Variants in B3GALT1 observed in about 807,000 individuals in gnomAD.
B3GALT1 encodes the protein UDP-Gal:betaGlcNAc beta 1,3-galactosyltransferase, polypeptide 1.
A neutral mutation model predicts 23.2 loss-of-function variants in B3GALT1; 10 were observed. That is an observed-to-expected ratio of 0.43 (90% CI 0.27 to 0.73). The LOEUF is 0.73. B3GALT1 is among the 30% of genes least tolerant of loss of function. The pLI is 0.21. For synonymous variants in B3GALT1, 156 were observed against 141.5 expected, an observed-to-expected ratio of 1.10 and a Z score of -0.73; for missense variants, 299 against 405.4, an observed-to-expected ratio of 0.74 and a Z score of 2.25.
intron 1 of B3GALT1, among the ~76,000 whole-genome samples, chr2:167,451,297 T>A (rs920810166): frequency 1.3e-5 from 2 of 152,194 alleles, no homozygotes; most frequent in African/African-American, 4.8e-5. Context: ...AGAATTGTTT[T>A]TCTGGTTCCT....
At chr2:167,345,425 T>A (rs995135722) in intron 1 of B3GALT1, among the ~76,000 whole-genome samples, 1 of 152,092 alleles carries the variant, frequency 6.6e-6, no homozygotes, top group African/African-American at 2.4e-5. Context: ...CATGACAACT[T>A]TGGTAAGATC....
chr2:167,720,343 G>A (rs186719543), intron 3 of B3GALT1, among the ~76,000 whole-genome samples: 64 of 152,208 alleles, frequency 4.2e-4, no homozygotes, highest in African/African-American at 1.3e-3. Context: ...AAAACATCTG[G>A]GGGGAAGTTA....
At chr2:167,721,190 A>T (rs1687227410) in intron 3 of B3GALT1, among the ~76,000 whole-genome samples, 1 of 152,232 alleles carries the variant, frequency 6.6e-6, no homozygotes, top group South Asian at 2.1e-4. Flanking sequence ...TTTATGTGCT[A>T]AAGCAAATAC....
intron 3 of B3GALT1, among the ~76,000 whole-genome samples, chr2:167,683,202 T>G (rs952705449): frequency 6.6e-6 from 1 of 152,178 alleles, no homozygotes; most frequent in African/African-American, 2.4e-5. Context: ...TGACAGTGTG[T>G]TAGTATTATT....
chr2:167,293,849 G>A (rs1014273140), intron 1 of B3GALT1, among the ~76,000 whole-genome samples: 1 of 151,752 alleles, frequency 6.6e-6, no homozygotes, highest in African/African-American at 2.4e-5. Flanking sequence ...GTCCCACTTT[G>A]CCCCGGGGAC....
At chr2:167,656,520 C>T (rs572623346) in intron 3 of B3GALT1, among the ~76,000 whole-genome samples, 1 of 152,098 alleles carries the variant, frequency 6.6e-6, no homozygotes, top group South Asian at 2.1e-4. Context: ...TTCCTGAAAA[C>T]TCTAAGGAAT....
intron 2 of B3GALT1, among the ~76,000 whole-genome samples, chr2:167,512,633 TA>T (rs1558887934): frequency 7.6e-5 from 7 of 91,804 alleles, no homozygotes; most frequent in African/African-American, 1.4e-4. Context: ...TGTATATATA[TA>T]TACATATATA....
At chr2:167,810,185 C>T (rs566694129) in intron 3 of B3GALT1, among the ~76,000 whole-genome samples, 26 of 150,790 alleles carry the variant, frequency 1.7e-4, no homozygotes, top group South Asian at 4.2e-4. Flanking sequence ...CATCTGTCAC[C>T]GCTTTGACTA....
chr2:167,605,381 A>G (rs1684945752), intron 2 of B3GALT1, among the ~76,000 whole-genome samples: 1 of 152,120 alleles, frequency 6.6e-6, no homozygotes, highest in South Asian at 2.1e-4. Context: ...GGTGTTGGCT[A>G]AGTCTGTAGT....
intron 3 of B3GALT1, among the ~76,000 whole-genome samples, chr2:167,745,136 G>A (rs1687633630): frequency 6.6e-6 from 1 of 151,802 alleles, no homozygotes; most frequent in South Asian, 2.1e-4. Flanking sequence ...AACTGGTGTG[G>A]AAGTTATCTT....
chr2:167,771,982 C>T (rs761337862), intron 3 of B3GALT1, among the ~76,000 whole-genome samples: 3 of 152,158 alleles, frequency 2.0e-5, no homozygotes. Flanking sequence ...AGATCATTAC[C>T]ATTGTAAGTT....
rs761481887 is a variant in B3GALT1 at position 167,869,262 on chromosome 2, A to G, written c.223A>G (p.Lys75Glu). The G allele has an allele frequency of 1.7e-5, 28 of 1,614,096 alleles. No homozygotes were observed. In the Admixed American group the frequency reaches 2.0e-4, roughly 12 times the overall value. The change falls in exon 5 of 5, where the codon AAA becomes GAA. Residue 75 changes from lysine to glutamate, a missense_variant. This residue lies in a region of B3GALT1 where 162 missense variants were observed against 184.1 expected (regional missense o/e 0.88). Coordinates refer to ENST00000392690, the MANE Select transcript of B3GALT1 (RefSeq NM_020981.4). The surrounding 1 kb of genome is among the most constrained non-coding windows in gnomAD (Gnocchi z 6.4). ...TATCAACGAGCCCAATAAATGTGAG[A>G]AAAACATTCCTTTTCTTGTTATCCT... ...FLINEPNKCE[K>E]NIPFLVILIS... is the part of the protein sequence containing the mutation.
At chr2:167,353,582 A>G (rs998529583) in intron 1 of B3GALT1, among the ~76,000 whole-genome samples, 50 of 152,170 alleles carry the variant, frequency 3.3e-4, no homozygotes, top group Admixed American at 3.3e-3. Context: ...TATATACACA[A>G]CTCAGCTAAC....
intron 3 of B3GALT1, among the ~76,000 whole-genome samples, chr2:167,697,958 CT>C (rs1558952029): frequency 6.6e-6 from 1 of 152,184 alleles, no homozygotes; most frequent in Non-Finnish European, 1.5e-5. Context: ...TGTGTCTTAT[CT>C]CCTAAAGAAA....
At chr2:167,758,676 C>G (rs1292968246) in intron 3 of B3GALT1, among the ~76,000 whole-genome samples, 1 of 152,010 alleles carries the variant, frequency 6.6e-6, no homozygotes, top group Non-Finnish European at 1.5e-5. Flanking sequence ...TTTTTTTTCC[C>G]TATGAATCTC....
At chr2:167,668,671 C>T (rs1686260698) in intron 3 of B3GALT1, among the ~76,000 whole-genome samples, 1 of 152,186 alleles carries the variant, frequency 6.6e-6, no homozygotes, top group South Asian at 2.1e-4. Flanking sequence ...TTTTTAAGCC[C>T]ATCGGAAAAG....
At chr2:167,541,664 A>T (rs1191714747) in intron 2 of B3GALT1, among the ~76,000 whole-genome samples, 2 of 151,288 alleles carry the variant, frequency 1.3e-5, no homozygotes, top group African/African-American at 4.9e-5. Context: ...GTGCCAGCTG[A>T]ACATTTACTG....
chr2:167,703,964 G>C (rs151262556), intron 3 of B3GALT1, among the ~76,000 whole-genome samples: 1 of 151,882 alleles, frequency 6.6e-6, no homozygotes, highest in South Asian at 2.1e-4. Context: ...GGCGGATCAC[G>C]AGGTCAGGAG....
At chr2:167,749,885 T>C (rs1687708365) in intron 3 of B3GALT1, among the ~76,000 whole-genome samples, 1 of 152,244 alleles carries the variant, frequency 6.6e-6, no homozygotes, top group African/African-American at 2.4e-5. Context: ...TCTTCTGTTT[T>C]ACAGTTTGTA....
Sources: allele counts gnomAD v4.1 joint callset (sites outside exome capture counted in the v4.1 genomes callset), GRCh38; gene constraint gnomAD v4.1.1; regional missense constraint gnomAD v4.1.1; non-coding constraint Gnocchi (gnomAD v3.1); transcripts MANE v1.5; gene names NCBI Gene and HGNC (gene_info 2026-07-23, HGNC 2026-07-21).